Variants in GALNT10 observed in about 807,000 individuals in gnomAD.
The protein encoded by GALNT10 is GalNAc transferase 10.
GALNT10 carries 41 observed loss-of-function variants against 75.0 expected under a neutral mutation model. The observed-to-expected ratio is 0.55, with a 90% CI of 0.43 to 0.71. GALNT10 has a LOEUF of 0.71. Ranked by LOEUF, GALNT10 falls within the 30% of genes least tolerant of loss-of-function variation. GALNT10 has a pLI of 0.00. For missense variants in GALNT10, 727 were observed against 818.5 expected, an observed-to-expected ratio of 0.89 and a Z score of 1.36; for synonymous variants, 302 against 313.0, an observed-to-expected ratio of 0.96 and a Z score of 0.37.
chr5:154,337,679 A>G lies in GALNT10; in HGVS notation c.568+7941A>G, dbSNP rs926215704. 2.4e-5 allele frequency: 27 copies of G among 1,117,258 alleles called. No individual in the cohort carries two copies. In the African/African-American group the frequency reaches 3.6e-4, roughly 15 times the overall value. The allele number at this position is 1,117,258 out of a possible 1,614,324, so 69.2% of individuals were successfully genotyped here. A position where few individuals can be genotyped will look rare whatever the true frequency, so the allele number is the denominator to read the frequency against. Reference sequence around the variant, plus strand: ...TTCCATCACCTCCAGAATCGCTTCCATCATTACCAAATCCATTATAGCCAT... The same window carrying G: ...TTCCATCACCTCCAGAATCGCTTCCGTCATTACCAAATCCATTATAGCCAT... On this transcript the variant is annotated intron_variant, in intron 4 of 11. Transcript: ENST00000297107.
In GALNT10 at chr5:154,210,385, T is replaced by TACACACACAC. The variant is rs35928766; in HGVS notation, c.159+19380_159+19389dup. ...GCACTTGCATGCACACACACATGCATACACACACACACACACACACACACA... is the reference window on the plus strand; with the variant it reads ...GCACTTGCATGCACACACACATGCATACACACACACACACACACACACACACACACACACA... On this transcript the variant is annotated intron_variant, in intron 1 of 11. Coordinates refer to ENST00000297107, the MANE Select transcript of GALNT10 (RefSeq NM_198321.4). Among the ~76,000 whole-genome samples, 20 of 148,972 alleles carry TACACACACAC rather than the reference T, an allele frequency of 1.3e-4. No individual in the cohort carries two copies. In the South Asian group the frequency reaches 3.2e-3, roughly 24 times the overall value.
intron 4 of GALNT10, among the ~76,000 whole-genome samples, chr5:154,358,690 C>T (rs2113152621): frequency 6.6e-6 from 1 of 152,242 alleles, no homozygotes; most frequent in South Asian, 2.1e-4. Context: ...CTCTCTGCAT[C>T]TTTAAGCCAC....
intron 1 of GALNT10, among the ~76,000 whole-genome samples, chr5:154,234,555 A>G (rs1450544603): frequency 6.6e-6 from 1 of 152,266 alleles, no homozygotes; most frequent in Non-Finnish European, 1.5e-5. Flanking sequence ...AAACAAGTTT[A>G]TGAAATAGAT....
intron 1 of GALNT10, among the ~76,000 whole-genome samples, chr5:154,199,981 C>G (rs972462873): frequency 2.6e-5 from 4 of 152,186 alleles, no homozygotes; most frequent in African/African-American, 9.7e-5. Flanking sequence ...GTAACATATC[C>G]AGGGCCACGC....
At chr5:154,224,778 CT>C (rs549615789) in intron 1 of GALNT10, among the ~76,000 whole-genome samples, 72 of 117,592 alleles carry the variant, frequency 6.1e-4, no homozygotes, top group African/African-American at 1.1e-3. Context: ...AAGCTCACTT[CT>C]TTTTTTTTTT....
chr5:154,221,623 AG>A (rs35253428), intron 1 of GALNT10, among the ~76,000 whole-genome samples: 99,223 of 152,022 alleles, frequency 0.65, 32,805 homozygotes, highest in East Asian at 0.85. Flanking sequence ...ACACAGGAAA[AG>A]GAAAAAAAAC....
At position 154,337,970 on chromosome 5, in the gene GALNT10, A is replaced by C. The variant is rs1677635016; in HGVS notation, c.568+8232A>C. 3 of 1,577,570 alleles carry C rather than the reference A, an allele frequency of 1.9e-6. No homozygotes were observed. In the African/African-American group the frequency reaches 4.0e-5, roughly 21 times the overall value. On this transcript the variant is annotated intron_variant, in intron 4 of 11. Coordinates refer to ENST00000297107, the MANE Select transcript of GALNT10 (RefSeq NM_198321.4). ...TCTTATCCACGGAGTCATGGTCGTCAAAGGTTACAAAGGCAAAGCCCCTTT... is the reference window on the plus strand; with the variant it reads ...TCTTATCCACGGAGTCATGGTCGTCCAAGGTTACAAAGGCAAAGCCCCTTT...
intron 3 of GALNT10, among the ~76,000 whole-genome samples, chr5:154,315,156 G>A (rs901446645): frequency 2.0e-5 from 3 of 152,236 alleles, no homozygotes; most frequent in South Asian, 4.1e-4. Context: ...TGATTCAGCT[G>A]TAGTACAACT....
intron 1 of GALNT10, among the ~76,000 whole-genome samples, chr5:154,199,399 G>A (rs1774991160): frequency 6.6e-6 from 1 of 152,124 alleles, no homozygotes; most frequent in Admixed American, 6.5e-5. Flanking sequence ...TTGAACTTCT[G>A]TTCCTGGGAA....
intron 4 of GALNT10, among the ~76,000 whole-genome samples, chr5:154,362,705 A>G (rs1302717989): frequency 6.6e-6 from 1 of 152,186 alleles, no homozygotes; most frequent in East Asian, 1.9e-4. Flanking sequence ...CCAATATTTG[A>G]GTCTTTTTTA....
intron 7 of GALNT10, chr5:154,388,336 A>T (rs78143711): frequency 0.023 from 3,519 of 152,352 alleles, 57 homozygotes; most frequent in Non-Finnish European, 0.034. Flanking sequence ...GTCAGAACAG[A>T]TACCAGCTAT....
At position 154,340,397 on chromosome 5, in the gene GALNT10, G is replaced by A. The variant is rs548551507; in HGVS notation, c.568+10659G>A. ...TGCCTAAAGGAAAAATTCACATTTA[G>A]TAGAGCATTCAAACCAAAATCCAAG... On this transcript the variant is annotated intron_variant, in intron 4 of 11. Transcript: ENST00000297107. Among the ~76,000 whole-genome samples, 13 of 152,276 alleles carry A rather than the reference G, an allele frequency of 8.5e-5. No individual in the cohort carries two copies. In the South Asian group the frequency reaches 2.3e-3, roughly 27 times the overall value.
intron 1 of GALNT10, among the ~76,000 whole-genome samples, chr5:154,293,926 G>A (rs1291180286): frequency 6.6e-6 from 1 of 152,146 alleles, no homozygotes; most frequent in African/African-American, 2.4e-5. Flanking sequence ...AACTCATGTA[G>A]TGCATTCTCT....
chr5:154,199,068 A>AG (rs1285394715), intron 1 of GALNT10, among the ~76,000 whole-genome samples: 3 of 152,192 alleles, frequency 2.0e-5, no homozygotes, highest in African/African-American at 7.2e-5. Flanking sequence ...TGAATGGCTG[A>AG]GGGGGTGAGT....
chr5:154,376,987 T>A lies in GALNT10; in HGVS notation c.754+525T>A, dbSNP rs1234136857. On this transcript the variant is annotated intron_variant, in intron 5 of 11. Coordinates refer to ENST00000297107, the MANE Select transcript of GALNT10 (RefSeq NM_198321.4). The surrounding 1 kb of genome is among the most constrained non-coding windows in gnomAD (Gnocchi z 4.1). ...AAGACTCACTTGTCCCCTTGAGCCA[T>A]AAGTGTCAAAGTCACCATCTGTCGG... 6.6e-6 allele frequency among the ~76,000 whole-genome samples: 1 copy of A among 152,216 alleles called. No homozygotes were observed. The highest frequency in any genetic ancestry group is 6.5e-5 in the Admixed American group (1 of 15,292).
intron 4 of GALNT10, among the ~76,000 whole-genome samples, chr5:154,364,560 C>T (rs954893982): frequency 2.6e-5 from 4 of 152,094 alleles, no homozygotes; most frequent in South Asian, 2.1e-4. Context: ...AGGAAAGTTC[C>T]GACATATGTT....
chr5:154,412,797 T>C lies in GALNT10; in HGVS notation c.1387-92T>C. On this transcript the variant is annotated intron_variant, in intron 9 of 11. Transcript: ENST00000297107. This position sits in a 1 kb window ranked among gnomAD's most constrained non-coding sequence, Gnocchi z 4.2. ...GATTTGAAGGTTAATCCAGCTAATG[T>C]CTCCCACTTGGTTTCCCCTTTCACC... 1 of 847,210 alleles carries C rather than the reference T, an allele frequency of 1.2e-6. No individual in the cohort carries two copies. Among genetic ancestry groups the C allele is most frequent in the Non-Finnish European group, 2.0e-6 (1 of 488,430 alleles). 52.5% of individuals were successfully genotyped at this position (847,210 alleles called of 1,614,324 possible).
intron 4 of GALNT10, among the ~76,000 whole-genome samples, chr5:154,346,261 A>T (rs768581676): frequency 1.3e-5 from 2 of 152,086 alleles, no homozygotes; most frequent in Non-Finnish European, 2.9e-5. Context: ...TGCAATGAAC[A>T]TGGCAGTACA....
intron 1 of GALNT10, among the ~76,000 whole-genome samples, chr5:154,223,905 G>T (rs1232404182): frequency 2.7e-5 from 4 of 147,188 alleles, no homozygotes; most frequent in African/African-American, 4.9e-5. Flanking sequence ...GGGTGACAGA[G>T]CAAGACCCTG....
Sources: allele counts gnomAD v4.1 joint callset (sites outside exome capture counted in the v4.1 genomes callset), GRCh38; gene constraint gnomAD v4.1.1; non-coding constraint Gnocchi (gnomAD v3.1); transcripts MANE v1.5; gene names NCBI Gene and HGNC (gene_info 2026-07-23, HGNC 2026-07-21).